Variants in CCBE1 observed in about 807,000 individuals in gnomAD.
The protein encoded by CCBE1 is collagen and calcium binding EGF domains 1.
Under a neutral mutation model 50.0 loss-of-function variants are expected in CCBE1, and 37 were observed. The observed-to-expected ratio is 0.74, with a 90% CI of 0.57 to 0.97. The LOEUF (loss-of-function observed/expected upper bound fraction) is 0.97, where lower values mean the gene tolerates loss of function less well. Ranked by LOEUF, CCBE1 falls within the 50% of genes least tolerant of loss-of-function variation. CCBE1 has a pLI of 0.00. For synonymous variants in CCBE1, 234 were observed against 203.7 expected, an observed-to-expected ratio of 1.15 and a Z score of -1.27; for missense variants, 538 against 523.8, an observed-to-expected ratio of 1.03 and a Z score of -0.26.
At chr18:59,549,577 C>T (rs374244004) in intron 2 of CCBE1, among the ~76,000 whole-genome samples, 3 of 152,194 alleles carry the variant, frequency 2.0e-5, no homozygotes, top group African/African-American at 7.2e-5. Context: ...CAGCAAAGAC[C>T]TTACTCCAAG....
At chr18:59,552,293 G>A (rs1181749344) in intron 2 of CCBE1, among the ~76,000 whole-genome samples, 1 of 152,180 alleles carries the variant, frequency 6.6e-6, no homozygotes, top group Non-Finnish European at 1.5e-5. Context: ...TTAAAGGCCT[G>A]CAAATTATTG....
At position 59,466,872 on chromosome 18, in the gene CCBE1, G is replaced by A; in HGVS notation, c.420C>T (p.Ser140=). The A allele has an allele frequency of 6.2e-7, 1 of 1,613,104 alleles. No homozygotes were observed. The highest frequency in any genetic ancestry group is 8.5e-7 in the Non-Finnish European group (1 of 1,179,534). ...PYCLDIDECA[S]SNGTLCAHIC... ...TGTGGGCACACAGCGTCCCATTGCT[G>A]CTGGCACACTCATCAATATCTGGTT... The change falls in exon 5 of 11, where the codon AGC becomes AGT. Residue 140 remains serine, a synonymous_variant. Coordinates refer to ENST00000439986, the MANE Select transcript of CCBE1 (RefSeq NM_133459.4).
At chr18:59,697,022 G>A (rs1283525478) in intron 1 of CCBE1, among the ~76,000 whole-genome samples, 190 bp downstream of exon 1, 1 of 152,186 alleles carries the variant, frequency 6.6e-6, no homozygotes, top group Non-Finnish European at 1.5e-5. Context: ...CGGATGGCAG[G>A]GCGCAAAGGC....
intron 2 of CCBE1, among the ~76,000 whole-genome samples, chr18:59,646,353 T>C (rs182024435): frequency 6.6e-6 from 1 of 152,318 alleles, no homozygotes; most frequent in Admixed American, 6.5e-5. Context: ...AGAGGGATTC[T>C]ACCCAAGAGG....
chr18:59,574,485 T>G (rs2052962636), intron 2 of CCBE1, among the ~76,000 whole-genome samples: 1 of 152,222 alleles, frequency 6.6e-6, no homozygotes, highest in South Asian at 2.1e-4. Flanking sequence ...TAACATGACT[T>G]GTTATAAATT....
At chr18:59,442,985 G>A (rs774003759) in intron 7 of CCBE1, among the ~76,000 whole-genome samples, 10 of 146,266 alleles carry the variant, frequency 6.8e-5, no homozygotes, top group Non-Finnish European at 1.4e-4. Flanking sequence ...TAGAGGTTGA[G>A]GGGTTGTGTT....
intron 2 of CCBE1, among the ~76,000 whole-genome samples, chr18:59,541,185 A>G (rs1915452112): frequency 6.6e-6 from 1 of 152,208 alleles, no homozygotes; most frequent in Non-Finnish European, 1.5e-5. Context: ...TAGTAGGATG[A>G]TGTTTACTAT....
At chr18:59,448,996 TGAG>T (rs528211474) in intron 6 of CCBE1, among the ~76,000 whole-genome samples, 2 of 152,042 alleles carry the variant, frequency 1.3e-5, no homozygotes, top group African/African-American at 4.8e-5. Context: ...CCTCAGTGAG[TGAG>T]GGAAATGTAT....
chr18:59,609,225 T>C (rs1025657779), intron 2 of CCBE1, among the ~76,000 whole-genome samples: 1 of 152,208 alleles, frequency 6.6e-6, no homozygotes, highest in African/African-American at 2.4e-5. Context: ...AAGCATCATC[T>C]ACTTCCTTGG....
chr18:59,625,203 G>A (rs112521213), intron 2 of CCBE1, among the ~76,000 whole-genome samples: 2,311 of 152,172 alleles, frequency 0.015, 33 homozygotes, highest in Middle Eastern at 0.054. Context: ...AGGCTGAGGC[G>A]GGTGGATCAC....
intron 2 of CCBE1, among the ~76,000 whole-genome samples, chr18:59,561,004 C>A (rs759573647): frequency 1.3e-5 from 2 of 152,216 alleles, no homozygotes; most frequent in Non-Finnish European, 2.9e-5. Context: ...ATAGGAAGAG[C>A]GTCCCCCCAT....
intron 2 of CCBE1, among the ~76,000 whole-genome samples, chr18:59,518,119 CTTTGTTT>C (rs1568182996): frequency 6.6e-6 from 1 of 152,196 alleles, no homozygotes. Context: ...TTAATCAACA[CTTTGTTT>C]CCACCCCCAT....
chr18:59,467,468 A>T (rs930931669), intron 4 of CCBE1, among the ~76,000 whole-genome samples: 1 of 152,182 alleles, frequency 6.6e-6, no homozygotes, highest in Non-Finnish European at 1.5e-5. Flanking sequence ...AATGGGTCTA[A>T]TGGAAAGAGT....
chr18:59,634,891 A>T (rs946542677), intron 2 of CCBE1, among the ~76,000 whole-genome samples: 28 of 152,202 alleles, frequency 1.8e-4, no homozygotes, highest in Non-Finnish European at 4.1e-4. Flanking sequence ...AGAGGAACAA[A>T]ATGAAAGAGG....
At chr18:59,513,981 G>T (rs934419477) in intron 2 of CCBE1, among the ~76,000 whole-genome samples, 38 of 152,102 alleles carry the variant, frequency 2.5e-4, no homozygotes, top group African/African-American at 8.9e-4. Flanking sequence ...AGTTCAGCCT[G>T]CAGGGACCCC....
intron 2 of CCBE1, among the ~76,000 whole-genome samples, chr18:59,642,627 T>C (rs904286936): frequency 5.3e-5 from 8 of 152,120 alleles, no homozygotes; most frequent in African/African-American, 1.7e-4. Flanking sequence ...GCAGTGAAAA[T>C]AGTCAACTGC....
In CCBE1 at chr18:59,621,670, C is replaced by T. The variant is rs192023718; in HGVS notation, c.212+74959G>A. On this transcript the variant is annotated intron_variant, in intron 2 of 10. Coordinates refer to ENST00000439986, the MANE Select transcript of CCBE1 (RefSeq NM_133459.4). ...ATGTCACTAACCTACCAGAGTCACA[C>T]CATCAGTAGTAAGCAAACTCATATC... Among the ~76,000 whole-genome samples the T allele has an allele frequency of 6.6e-5, 10 of 152,340 alleles. No individual in the cohort carries two copies. In the East Asian group the frequency reaches 1.9e-3, roughly 29 times the overall value.
intron 2 of CCBE1, among the ~76,000 whole-genome samples, chr18:59,565,732 A>G (rs2052813529): frequency 6.6e-6 from 1 of 152,060 alleles, no homozygotes; most frequent in African/African-American, 2.4e-5. Flanking sequence ...TGTAGCTAAG[A>G]GGGGAAGACG....
chr18:59,552,270 T>C (rs996304463), intron 2 of CCBE1, among the ~76,000 whole-genome samples: 2 of 152,188 alleles, frequency 1.3e-5, no homozygotes, highest in Non-Finnish European at 2.9e-5. Flanking sequence ...AGTTAAGAAA[T>C]GGACTCTCCC....
Sources: allele counts gnomAD v4.1 joint callset (sites outside exome capture counted in the v4.1 genomes callset), GRCh38; gene constraint gnomAD v4.1.1; transcripts MANE v1.5; gene names NCBI Gene and HGNC (gene_info 2026-07-23, HGNC 2026-07-21).